Variants in URGCP observed in about 807,000 individuals in gnomAD.
The protein encoded by URGCP is up-regulator of cell proliferation.
URGCP carries 13 observed loss-of-function variants against 24.6 expected under a neutral mutation model. The ratio of observed to expected loss-of-function variants is 0.53; its 90% CI spans 0.34 to 0.84. The LOEUF (loss-of-function observed/expected upper bound fraction) is 0.84, where lower values mean the gene tolerates loss of function less well. Ranked by LOEUF, URGCP falls within the 40% of genes least tolerant of loss-of-function variation. The pLI, the probability that URGCP is intolerant of heterozygous loss-of-function variation, is 0.01. For synonymous variants in URGCP, 444 were observed against 487.2 expected (o/e 0.91, Z 1.17); for missense variants, 899 against 1,194.3 (o/e 0.75, Z 3.64).
chr7:43,909,770 C>T (rs2095907996), upstream of URGCP, among the ~76,000 whole-genome samples: 2 of 151,880 alleles, frequency 1.3e-5, no homozygotes, highest in Admixed American at 1.3e-4. Context: ...TTGGCCAGTG[C>T]TGTGCCTCAC....
At chr7:43,906,707 G>C (rs1338749701), upstream of URGCP, 1 of 843,016 alleles carries the variant, frequency 1.2e-6, no homozygotes, top group Non-Finnish European at 1.5e-6. Context: ...GGTGGGGTGA[G>C]GTGGGGTAAG....
intron 1 of URGCP, among the ~76,000 whole-genome samples, chr7:43,891,112 T>C (rs2095870003): frequency 6.6e-6 from 1 of 152,202 alleles, no homozygotes; most frequent in Non-Finnish European, 1.5e-5. Context: ...CACACCTTTG[T>C]TTTTCTGCTG....
intron 1 of URGCP, chr7:43,919,438 G>A (rs1416187653): frequency 3.2e-6 from 3 of 927,406 alleles, no homozygotes; most frequent in Non-Finnish European, 5.4e-6. Context: ...CGCTACCCCA[G>A]CTACATGGAC....
In URGCP at chr7:43,887,375, A is replaced by T. The variant is rs376871217; in HGVS notation, c.112+40T>A. 1,899 of 1,610,038 alleles carry T rather than the reference A, an allele frequency of 1.2e-3. 42 individuals carry two copies. In the South Asian group the frequency reaches 0.02, roughly 17 times the overall value. On this transcript the variant is annotated intron_variant, in intron 3 of 5. Coordinates refer to ENST00000453200, the MANE Select transcript of URGCP (RefSeq NM_001077663.3). The stretch of plus-strand genomic sequence containing the variant: ...CCCAAGGGGACAGGAGAAGTACTTC[A>T]GCTCCAGAGTGGGCCCACATCCAAT...
chr7:43,913,784 C>T (rs768043723), intron 1 of URGCP, among the ~76,000 whole-genome samples: 11 of 150,994 alleles, frequency 7.3e-5, no homozygotes, highest in Non-Finnish European at 1.5e-4. Flanking sequence ...CTGCAACCTC[C>T]GCCTCCCTAG....
Position 43,878,237 on chromosome 7 carries a change from T to G in URGCP, c.1226A>C (p.Lys409Thr), listed in dbSNP as rs1399898880. 6.2e-7 allele frequency: 1 copy of G among 1,614,136 alleles called. No homozygotes were observed. Among genetic ancestry groups the G allele is most frequent in the Non-Finnish European group, 8.5e-7 (1 of 1,180,058 alleles). ...TACCAGGACATGTGAGTGGTCTATT[T>G]TCAGCACAGGAATTAACTTATTCAG... ...RFLNKLIPVL[K>T]IDHSHVLVKV... Residue 409 changes from lysine (K) to threonine (T), a missense_variant, in exon 6 of 6, where the codon AAA becomes ACA. Physicochemically the swap from Lys to Thr is moderately conservative, Grantham distance 78 (BLOSUM62 -1). Transcript: ENST00000453200. The surrounding 1 kb of genome is among the most constrained non-coding windows in gnomAD (Gnocchi z 5.6).
chr7:43,898,154 A>G (rs537738694), intron 1 of URGCP, among the ~76,000 whole-genome samples: 3 of 152,206 alleles, frequency 2.0e-5, no homozygotes, highest in Non-Finnish European at 4.4e-5. Flanking sequence ...CTGACACCAC[A>G]GTGTACTCAC....
upstream of URGCP, among the ~76,000 whole-genome samples, chr7:43,910,448 T>A (rs2095908874): frequency 7.3e-6 from 1 of 136,752 alleles, no homozygotes; most frequent in Admixed American, 8.4e-5. Context: ...CAGGCTGGTC[T>A]CAAACTTCTG....
At chr7:43,919,575 G>A (rs1342107425) in intron 1 of URGCP, 19 of 1,419,178 alleles carry the variant, frequency 1.3e-5, no homozygotes, top group South Asian at 3.4e-5. Context: ...GGTCCTGGAT[G>A]TCATGAGGTG....
At chr7:43,883,799 G>C (rs766217213) in intron 3 of URGCP, among the ~76,000 whole-genome samples, 2 of 152,116 alleles carry the variant, frequency 1.3e-5, no homozygotes, top group Non-Finnish European at 2.9e-5. Flanking sequence ...CTGGGAGATG[G>C]ACATGTGAAA....
At chr7:43,892,115 G>A (rs1482671548) in intron 1 of URGCP, among the ~76,000 whole-genome samples, 4 of 151,314 alleles carry the variant, frequency 2.6e-5, no homozygotes, top group Non-Finnish European at 5.9e-5. Context: ...ACAGGGTTTC[G>A]CTATGTAGCC....
At chr7:43,916,408 G>T (rs2095915499) in intron 1 of URGCP, among the ~76,000 whole-genome samples, 1 of 152,116 alleles carries the variant, frequency 6.6e-6, no homozygotes, top group African/African-American at 2.4e-5. Flanking sequence ...ATTCAGCTTG[G>T]TAAGGAGTCC....
intron 1 of URGCP, chr7:43,906,351 C>T (rs1336814683): frequency 7.8e-6 from 2 of 257,648 alleles, no homozygotes; most frequent in Non-Finnish European, 1.1e-5. Context: ...CCTCCGCCGG[C>T]GCCCCCGCCC....
At chr7:43,903,596 T>C (rs970104482) in intron 1 of URGCP, among the ~76,000 whole-genome samples, 3 of 152,100 alleles carry the variant, frequency 2.0e-5, no homozygotes, top group African/African-American at 7.2e-5. Flanking sequence ...CTGTATCTAG[T>C]GTAGTTGGAA....
intron 1 of URGCP, among the ~76,000 whole-genome samples, chr7:43,894,240 C>T (rs2095875150): frequency 6.6e-6 from 1 of 152,190 alleles, no homozygotes; most frequent in Non-Finnish European, 1.5e-5. Context: ...CAGACATTTA[C>T]AGAACATTTT....
upstream of URGCP, chr7:43,906,650 T>C: frequency 9.0e-7 from 1 of 1,108,772 alleles, no homozygotes; most frequent in Non-Finnish European, 1.1e-6. Context: ...GGGAGGGGCC[T>C]GGCCCGCCGG....
At position 43,881,413 on chromosome 7, in the gene URGCP, G is replaced by A. The variant is rs1585791653; in HGVS notation, c.202+246C>T. 11 of 609,242 alleles carry A rather than the reference G, an allele frequency of 1.8e-5. No homozygotes were observed. In the East Asian group the frequency reaches 2.8e-4, roughly 15 times the overall value. 37.7% of individuals were successfully genotyped at this position (609,242 alleles called of 1,614,324 possible). ...AACATGCTAACTTATTAAAGGCAGT[G>A]AGTATGTTGGGTGGTGGAGGGGGGG... is the stretch of plus-strand genomic sequence containing the variant. On this transcript the variant is annotated intron_variant, in intron 5 of 5. Transcript: ENST00000453200.
At chr7:43,887,743 C>T (rs1280606985) in intron 2 of URGCP, 47 bp downstream of exon 2, 65 of 1,545,428 alleles carry the variant, frequency 4.2e-5, no homozygotes, top group Non-Finnish European at 5.4e-5. Context: ...AAACTGCTGG[C>T]CAGAGCACAA....
chr7:43,915,185 G>A (rs1444774757), intron 1 of URGCP, among the ~76,000 whole-genome samples: 2 of 152,162 alleles, frequency 1.3e-5, no homozygotes, highest in Non-Finnish European at 2.9e-5. Context: ...AGGTGTCTGT[G>A]TGCCTAATTT....
Sources: gnomAD v4.1 joint callset for allele counts (sites outside exome capture counted in the v4.1 genomes callset) on GRCh38, gnomAD v4.1.1 for gene constraint, Gnocchi (gnomAD v3.1) non-coding constraint, MANE v1.5 for transcripts, NCBI Gene and HGNC (gene_info 2026-07-23, HGNC 2026-07-21) for gene names.